Variants in MAGI2 observed in about 807,000 individuals in gnomAD.
MAGI2 encodes membrane associated guanylate kinase, WW and PDZ domain containing 2.
MAGI2 carries 35 observed loss-of-function variants against 133.3 expected under a neutral mutation model. The ratio of observed to expected loss-of-function variants is 0.26; its 90% confidence interval spans 0.20 to 0.35. MAGI2 has a LOEUF of 0.35. Ranked by LOEUF, MAGI2 falls within the 10% of genes least tolerant of loss-of-function variation. The probability of loss-of-function intolerance (pLI) is 1.00; values close to 1 mark genes in which losing one functional copy is unlikely to be tolerated. For synonymous variants in MAGI2, 729 were observed against 710.6 expected (o/e 1.03, Z -0.41); for missense variants, 1,636 against 1,863.4 (o/e 0.88, Z 2.25).
chr7:78,057,236 C>A (rs1444719345), intron 21 of MAGI2, among the ~76,000 whole-genome samples: 1 of 151,908 alleles, frequency 6.6e-6, no homozygotes, highest in African/African-American at 2.4e-5. Flanking sequence ...TTGTTATTTT[C>A]TGTGTATTTT....
rs373216808 is a variant in MAGI2 at position 78,460,139 on chromosome 7, T to C, written c.1045+29622A>G. ...TGATATGGCATCATGTGATCATACT[T>C]ATTCTTCCAATAAATTACACAGAAA... On this transcript the variant is annotated intron_variant, in intron 6 of 21. Transcript: ENST00000354212. Among the ~76,000 whole-genome samples the C allele has an allele frequency of 1.5e-4, 23 of 152,328 alleles. 1 individual carries two copies. In the East Asian group the frequency reaches 1.7e-3, roughly 11 times the overall value.
intron 2 of MAGI2, among the ~76,000 whole-genome samples, chr7:78,740,957 A>G (rs1473135656): frequency 1.3e-5 from 2 of 152,230 alleles, no homozygotes; most frequent in Non-Finnish European, 2.9e-5. Context: ...TCAGACAGAA[A>G]TTGGTTACAA....
chr7:79,398,787 TAAAC>T (rs919330483), intron 1 of MAGI2, among the ~76,000 whole-genome samples: 8 of 151,844 alleles, frequency 5.3e-5, no homozygotes, highest in Non-Finnish European at 8.9e-5. Context: ...ATTTTTTTCT[TAAAC>T]TAATTATTCT....
At chr7:78,346,351 A>G (rs1790905411) in intron 7 of MAGI2, among the ~76,000 whole-genome samples, 1 of 152,236 alleles carries the variant, frequency 6.6e-6, no homozygotes, top group Non-Finnish European at 1.5e-5. Context: ...TGAGTTTAAT[A>G]TGCATGAAAC....
intron 3 of MAGI2, among the ~76,000 whole-genome samples, chr7:78,614,194 C>T (rs1163931628): frequency 2.0e-5 from 3 of 151,262 alleles, no homozygotes; most frequent in Non-Finnish European, 4.4e-5. Flanking sequence ...GTATTATTTC[C>T]TCTCCAACTA....
At chr7:78,965,535 G>A (rs563299485) in intron 2 of MAGI2, among the ~76,000 whole-genome samples, 24 of 151,814 alleles carry the variant, frequency 1.6e-4, no homozygotes, top group Non-Finnish European at 3.2e-4. Context: ...TGTACATTTC[G>A]TTAGCCTAGA....
chr7:78,979,982 T>G (rs1804638007), intron 2 of MAGI2, among the ~76,000 whole-genome samples: 1 of 151,896 alleles, frequency 6.6e-6, no homozygotes, highest in Non-Finnish European at 1.5e-5. Flanking sequence ...TAAATTGCCT[T>G]GGGTCACTCA....
At chr7:78,339,822 G>A (rs535576238) in intron 9 of MAGI2, among the ~76,000 whole-genome samples, 10 of 152,266 alleles carry the variant, frequency 6.6e-5, no homozygotes, top group Non-Finnish European at 1.2e-4. Context: ...TAACAGTAGC[G>A]TTTGGAAACG....
chr7:79,060,405 T>A (rs1813618630), intron 1 of MAGI2, among the ~76,000 whole-genome samples: 1 of 152,124 alleles, frequency 6.6e-6, no homozygotes, highest in Non-Finnish European at 1.5e-5. Flanking sequence ...GGTAGTTACC[T>A]CTAAGTATTG....
intron 2 of MAGI2, among the ~76,000 whole-genome samples, chr7:79,004,613 C>T (rs1361777398): frequency 6.6e-6 from 1 of 152,098 alleles, no homozygotes; most frequent in Non-Finnish European, 1.5e-5. Context: ...TAGAATTGTT[C>T]CCAACACATA....
intron 6 of MAGI2, among the ~76,000 whole-genome samples, chr7:78,442,195 G>C (rs1036954347): frequency 6.6e-6 from 1 of 152,108 alleles, no homozygotes; most frequent in Non-Finnish European, 1.5e-5. Flanking sequence ...TATTCTCCTC[G>C]ACAGCCCTTA....
chr7:79,125,588 G>A, intron 1 of MAGI2: 1 of 505,290 alleles, frequency 2.0e-6, no homozygotes, highest in South Asian at 1.5e-5. Flanking sequence ...GGAGGTGGAA[G>A]TGACTCTGGT....
chr7:78,139,486 G>A (rs867059380), intron 16 of MAGI2, among the ~76,000 whole-genome samples: 5 of 152,280 alleles, frequency 3.3e-5, no homozygotes, highest in Middle Eastern at 6.8e-3. Flanking sequence ...CAATGCTAAC[G>A]GAATTACAGA....
chr7:79,299,905 G>C (rs1292389512), intron 1 of MAGI2, among the ~76,000 whole-genome samples: 1 of 152,036 alleles, frequency 6.6e-6, no homozygotes, highest in East Asian at 1.9e-4. Flanking sequence ...TTTCTCTCTT[G>C]TTTCTGCTTT....
chr7:78,713,681 C>A (rs1432309134), intron 2 of MAGI2, among the ~76,000 whole-genome samples: 1 of 152,126 alleles, frequency 6.6e-6, no homozygotes, highest in African/African-American at 2.4e-5. Context: ...AGCTGTCATA[C>A]ACAAATAAAT....
intron 9 of MAGI2, among the ~76,000 whole-genome samples, chr7:78,332,400 AT>A (rs1270919122): frequency 1.3e-5 from 2 of 152,208 alleles, no homozygotes; most frequent in African/African-American, 4.8e-5. Flanking sequence ...CCTATGTGTC[AT>A]TATAAAAGGA....
intron 10 of MAGI2, among the ~76,000 whole-genome samples, chr7:78,227,567 T>C (rs915260308): frequency 6.6e-6 from 1 of 152,234 alleles, no homozygotes; most frequent in Non-Finnish European, 1.5e-5. Flanking sequence ...AGGCGATTCT[T>C]TTCCTAAGTT....
At chr7:78,507,833 G>A (rs1036284649) in intron 4 of MAGI2, among the ~76,000 whole-genome samples, 1 of 152,194 alleles carries the variant, frequency 6.6e-6, no homozygotes, top group Non-Finnish European at 1.5e-5. Flanking sequence ...GCTAGGCAGT[G>A]TACAGTCAAG....
chr7:78,296,110 C>CAGAG (rs1270316661), intron 9 of MAGI2, among the ~76,000 whole-genome samples: 1 of 152,248 alleles, frequency 6.6e-6, no homozygotes, highest in East Asian at 1.9e-4. Flanking sequence ...ACTCTTGCCC[C>CAGAG]AGAGAGTCCA....
Sources: allele counts gnomAD v4.1 joint callset (sites outside exome capture counted in the v4.1 genomes callset), GRCh38; gene constraint gnomAD v4.1.1; transcripts MANE v1.5; gene names NCBI Gene and HGNC (gene_info 2026-07-23, HGNC 2026-07-21).